The following TAF2 variants were observed in gnomAD, a reference collection of about 807,000 sequenced individuals.
TAF2 encodes transcription initiation factor TFIID subunit 2.
Under a neutral mutation model 138.5 loss-of-function variants are expected in TAF2, and 61 were observed. The ratio of observed to expected loss-of-function variants is 0.44; its 90% confidence interval spans 0.36 to 0.54. TAF2 has a LOEUF of 0.54. TAF2 is among the 20% of genes least tolerant of loss of function. TAF2 has a pLI of 0.00. For synonymous variants in TAF2, 475 were observed against 469.9 expected (o/e 1.01, Z -0.14); for missense variants, 1,090 against 1,427.9 (o/e 0.76, Z 3.81).
At chr8:119,800,212 C>A (rs1824158338) in intron 6 of TAF2, among the ~76,000 whole-genome samples, 3 of 152,138 alleles carry the variant, frequency 2.0e-5, no homozygotes, top group Admixed American at 6.6e-5. Context: ...ATAAGAAGTC[C>A]TTGCCCATGC....
chr8:119,799,327 C>T (rs1038617830), intron 6 of TAF2, among the ~76,000 whole-genome samples: 3 of 151,470 alleles, frequency 2.0e-5, no homozygotes, highest in South Asian at 4.2e-4. Flanking sequence ...CCACGACAGG[C>T]CCCGGTGTGT....
At chr8:119,795,953 G>A (rs1193120376) in intron 8 of TAF2, among the ~76,000 whole-genome samples, 1 of 152,018 alleles carries the variant, frequency 6.6e-6, no homozygotes, top group Admixed American at 6.6e-5. Context: ...CTGCCTCTAA[G>A]GAAATACTTG....
intron 25 of TAF2, among the ~76,000 whole-genome samples, chr8:119,737,015 C>T (rs1204430543): frequency 6.6e-6 from 1 of 151,952 alleles, no homozygotes; most frequent in African/African-American, 2.4e-5. Flanking sequence ...AAGTACAGAA[C>T]AAAAACCTGG....
chr8:119,770,025 GGGATT>G (rs1821716828), intron 18 of TAF2, among the ~76,000 whole-genome samples: 2 of 151,196 alleles, frequency 1.3e-5, no homozygotes, highest in African/African-American at 4.9e-5. Flanking sequence ...CCAAAGTGCT[GGGATT>G]ACCGGTGTAA....
chr8:119,819,588 A>T, intron 2 of TAF2, 82 bp from the exon 3 acceptor site: 1 of 1,142,136 alleles, frequency 8.8e-7, no homozygotes, highest in South Asian at 1.2e-5. Flanking sequence ...CCACTTGTAC[A>T]CATATTATAC....
intron 9 of TAF2, among the ~76,000 whole-genome samples, chr8:119,795,108 G>A (rs917315851): frequency 1.3e-5 from 2 of 151,224 alleles, no homozygotes; most frequent in Non-Finnish European, 2.9e-5. Context: ...AATATAATAA[G>A]CAGTTAATAT....
At chr8:119,774,043 T>C (rs962142279) in intron 18 of TAF2, among the ~76,000 whole-genome samples, 8 of 150,516 alleles carry the variant, frequency 5.3e-5, no homozygotes, top group South Asian at 2.1e-4. Context: ...TGGTGGCGGG[T>C]GCCTGTAATC....
chr8:119,775,518 C>G (rs1023180196), intron 18 of TAF2, among the ~76,000 whole-genome samples: 4 of 151,714 alleles, frequency 2.6e-5, no homozygotes, highest in Non-Finnish European at 2.9e-5. Context: ...GCCTGGCCAA[C>G]ATGGTGAAAC....
chr8:119,816,813 C>T lies in TAF2; in HGVS notation c.299+2533G>A, dbSNP rs116435373. ...ATCAGAAATATAAGACACAAATCTA[C>T]AGTTTTCCTCTAGGAATTGTGCAGT... On this transcript the variant is annotated intron_variant, in intron 3 of 25. Transcript: ENST00000378164. Among the ~76,000 whole-genome samples the T allele has an allele frequency of 4.7e-3, 711 of 152,334 alleles. 4 individuals are homozygous for T. Among genetic ancestry groups the T allele is most frequent in the African/African-American group, 0.017 (689 of 41,596 alleles).
At chr8:119,760,567 AATG>A in intron 20 of TAF2, 29 bp downstream of exon 20, 8 of 1,608,796 alleles carry the variant, frequency 5.0e-6, no homozygotes, top group Non-Finnish European at 6.8e-6. Context: ...TTCTTTCTAA[AATG>A]ATATGAGCAC....
rs1167427039 is a variant in TAF2 at position 119,816,136 on chromosome 8, C to T, written c.299+3210G>A. On this transcript the variant is annotated intron_variant, in intron 3 of 25. Transcript: ENST00000378164. ...CGCGATCTCGGCTCACTGCAAGCTC[C>T]GCCTCCCAGGTTCACGCCATTCTCC... is the stretch of plus-strand genomic sequence containing the variant. Among the ~76,000 whole-genome samples, 8 of 151,128 alleles carry T rather than the reference C, an allele frequency of 5.3e-5. No individual in the cohort carries two copies. The East Asian group carries it at 1.6e-3, about 29-fold the overall frequency.
intron 1 of TAF2, 72 bp downstream of exon 1, chr8:119,832,410 T>C: frequency 6.8e-7 from 1 of 1,468,498 alleles, no homozygotes; most frequent in Non-Finnish European, 9.5e-7. Context: ...CCAAGTCAAT[T>C]TCAAGCAATC....
intron 20 of TAF2, among the ~76,000 whole-genome samples, chr8:119,759,373 G>A (rs762538371): frequency 2.0e-5 from 3 of 152,026 alleles, no homozygotes; most frequent in East Asian, 1.9e-4. Flanking sequence ...TTACAAAGAT[G>A]TAAGTATACT....
intron 25 of TAF2, among the ~76,000 whole-genome samples, chr8:119,735,867 A>T (rs1587637605): frequency 6.6e-6 from 1 of 152,224 alleles, no homozygotes; most frequent in East Asian, 1.9e-4. Context: ...CAGGCGGGTG[A>T]TAAGAAGTAA....
chr8:119,771,376 C>G (rs1821823658), intron 18 of TAF2, among the ~76,000 whole-genome samples: 1 of 151,968 alleles, frequency 6.6e-6, no homozygotes, highest in African/African-American at 2.4e-5. Context: ...GCTGGGATTA[C>G]AAGCATGTGC....
At chr8:119,789,017 T>C in intron 12 of TAF2, 113 bp from the exon 13 acceptor site, 2 of 751,138 alleles carry the variant, frequency 2.7e-6, no homozygotes, top group Admixed American at 2.0e-5. Flanking sequence ...GTTCAAAGTT[T>C]GAGAGCATAC....
intron 3 of TAF2, among the ~76,000 whole-genome samples, chr8:119,812,800 G>A (rs1313558592): frequency 0.012 from 2 of 172 alleles, no homozygotes; most frequent in African/African-American, 0.042. Flanking sequence ...ATACACACAT[G>A]TATACATACA....
In TAF2 at chr8:119,760,718, A is replaced by T; in HGVS notation, c.2579T>A (p.Val860Glu). ...ITVSCLRAIR[V>E]LQKNGHVPSD... is the part of the protein sequence containing the mutation. ...TGGCACATGTCCGTTCTTCTGAAGTACCCGTATGGCTCTCAAACAACTAGG... is the reference window on the plus strand; with the variant it reads ...TGGCACATGTCCGTTCTTCTGAAGTTCCCGTATGGCTCTCAAACAACTAGG... Residue 860 changes from valine (V) to glutamate (E), a missense_variant, in exon 20 of 26, where the codon GTA becomes GAA. Transcript: ENST00000378164. 1 of 1,613,978 alleles carries T rather than the reference A, an allele frequency of 6.2e-7. No individual in the cohort carries two copies. The highest frequency in any genetic ancestry group is 8.5e-7 in the Non-Finnish European group (1 of 1,179,942).
chr8:119,778,081 G>C lies in TAF2; in HGVS notation c.2302C>G (p.Pro768Ala), dbSNP rs752933531. The change falls in exon 18 of 26, where the codon CCT becomes GCT. Residue 768 changes from proline (P) to alanine (A), a missense_variant. By Grantham distance (27) the Pro-to-Ala change is conservative. This residue lies in a region of TAF2 where 580 missense variants were observed against 719.6 expected (regional missense o/e 0.81). Coordinates refer to ENST00000378164, the MANE Select transcript of TAF2 (RefSeq NM_003184.4). Reference sequence around the variant, plus strand: ...AAAATAAATGTTAAGACTTCTTTAGGACAAAGATTATGAACATCTCTTAAT... The same window carrying C: ...AAAATAAATGTTAAGACTTCTTTAGCACAAAGATTATGAACATCTCTTAAT... ...ALLRDVHNLC[P>A]KEVLTFILDL... 1 of 1,598,912 alleles carries C rather than the reference G, an allele frequency of 6.3e-7. No homozygotes were observed. Among genetic ancestry groups the C allele is most frequent in the Non-Finnish European group, 8.6e-7 (1 of 1,168,242 alleles).
Sources: allele counts gnomAD v4.1 joint callset (sites outside exome capture counted in the v4.1 genomes callset), GRCh38; gene constraint gnomAD v4.1.1; regional missense constraint gnomAD v4.1.1; transcripts MANE v1.5; gene names NCBI Gene and HGNC (gene_info 2026-07-23, HGNC 2026-07-21).